The following ORC5 variants were observed in gnomAD, a reference collection of about 807,000 sequenced individuals.
ORC5 encodes the protein protein phosphatase 1, regulatory subunit 117.
In ORC5, 39 loss-of-function variants were observed where a neutral mutation model predicts 58.8. That is an observed-to-expected ratio of 0.66 (90% CI 0.51 to 0.87). ORC5 has a LOEUF of 0.87. Among genes scored for constraint, ORC5 ranks in the 40% least tolerant of loss-of-function variants. The probability of loss-of-function intolerance (pLI) is 0.00; values close to 1 mark genes in which losing one functional copy is unlikely to be tolerated. For synonymous variants in ORC5, 218 were observed against 177.6 expected, an observed-to-expected ratio of 1.23 and a Z score of -1.81; for missense variants, 493 against 506.3, an observed-to-expected ratio of 0.97 and a Z score of 0.25.
At chr7:104,166,921 G>T in intron 9 of ORC5, 37 bp from the exon 10 acceptor site, 1 of 1,177,576 alleles carries the variant, frequency 8.5e-7, no homozygotes, top group Non-Finnish European at 1.3e-6. Flanking sequence ...TACTTATTAG[G>T]CTAACATTGG....
intron 13 of ORC5, among the ~76,000 whole-genome samples, chr7:104,134,889 G>A (rs1043730083): frequency 5.3e-5 from 8 of 152,186 alleles, no homozygotes; most frequent in Middle Eastern, 6.8e-3. Context: ...GGGGAGGAGC[G>A]GGTGCTTATT....
chr7:104,174,055 G>A (rs1031432730), intron 8 of ORC5, among the ~76,000 whole-genome samples: 7 of 151,242 alleles, frequency 4.6e-5, no homozygotes, highest in South Asian at 2.1e-4. Flanking sequence ...CGTTTTAGCC[G>A]GGATGGTCTC....
chr7:104,188,678 A>G (rs1331091380), intron 5 of ORC5, among the ~76,000 whole-genome samples: 1 of 152,066 alleles, frequency 6.6e-6, no homozygotes, highest in African/African-American at 2.4e-5. Context: ...TTTAAAACAT[A>G]CCTCAATTTA....
At position 104,194,099 on chromosome 7, in the gene ORC5, CT is replaced by C. The variant is rs34994380; in HGVS notation, c.553+1043del. Among the ~76,000 whole-genome samples the C allele has an allele frequency of 7.5e-3, 992 of 132,974 alleles. 4 individuals carry two copies. Among genetic ancestry groups the C allele is most frequent in the Middle Eastern group, 0.016 (4 of 248 alleles). 87.2% of individuals were successfully genotyped at this position (132,974 alleles called of 152,430 possible). ...AACAGTGCTGACACAGGTACAGAGC[CT>C]TTTTTTTTTTTTTTTAAATAAAATC... On this transcript the variant is annotated intron_variant, in intron 5 of 13. Transcript: ENST00000297431.
intron 13 of ORC5, among the ~76,000 whole-genome samples, chr7:104,131,363 C>T (rs1436700175): frequency 2.0e-5 from 3 of 152,184 alleles, no homozygotes; most frequent in African/African-American, 7.2e-5. Flanking sequence ...ATCTACAGCT[C>T]TTGCAACTCA....
intron 8 of ORC5, among the ~76,000 whole-genome samples, chr7:104,173,727 C>A (rs149212795): frequency 1.0e-3 from 153 of 152,204 alleles, no homozygotes; most frequent in African/African-American, 3.4e-3. Flanking sequence ...TTTGAATACT[C>A]CGGTTACTAT....
At chr7:104,183,842 TC>T in intron 8 of ORC5, 100 bp downstream of exon 8, 1 of 770,336 alleles carries the variant, frequency 1.3e-6, no homozygotes, top group Non-Finnish European at 2.1e-6. Flanking sequence ...CAAACAGATA[TC>T]TTTTTCTTTT....
chr7:104,201,023 C>G, intron 2 of ORC5, 65 bp from the exon 3 acceptor site: 1 of 1,346,344 alleles, frequency 7.4e-7, no homozygotes, highest in Non-Finnish European at 1.0e-6. Flanking sequence ...AATGGCTGTG[C>G]TGGATAGTCT....
chr7:104,135,820 C>T (rs1425118352), intron 13 of ORC5, among the ~76,000 whole-genome samples: 2 of 152,114 alleles, frequency 1.3e-5, no homozygotes, highest in African/African-American at 4.8e-5. Flanking sequence ...TAAATACTTT[C>T]ATGACTAATT....
chr7:104,132,443 C>T (rs986524504), intron 13 of ORC5, among the ~76,000 whole-genome samples: 3 of 152,082 alleles, frequency 2.0e-5, no homozygotes, highest in Non-Finnish European at 2.9e-5. Flanking sequence ...TGTTCTCTGC[C>T]ACAGGTGTCT....
intron 8 of ORC5, among the ~76,000 whole-genome samples, chr7:104,169,888 C>A (rs776931027): frequency 1.4e-4 from 22 of 152,238 alleles, no homozygotes; most frequent in Non-Finnish European, 2.5e-4. Context: ...CTTATTTCCA[C>A]CTTAATTTTA....
rs1799322273 is a variant in ORC5 at position 104,176,428 on chromosome 7, T to C, written c.824+7515A>G. Among the ~76,000 whole-genome samples, 5 of 152,330 alleles carry C rather than the reference T, an allele frequency of 3.3e-5. No homozygotes were observed. The South Asian group carries it at 6.2e-4, about 19-fold the overall frequency. ...AGAAATATTTTGCGGTAAAATACTT[T>C]GATTTCTTTCGGTGTCTGCTATCTG... On this transcript the variant is annotated intron_variant, in intron 8 of 13. Coordinates refer to ENST00000297431, the MANE Select transcript of ORC5 (RefSeq NM_002553.4).
At chr7:104,205,084 C>CTATTTTT (rs769195880) in intron 1 of ORC5, among the ~76,000 whole-genome samples, 5 of 102,358 alleles carry the variant, frequency 4.9e-5, no homozygotes, top group African/African-American at 1.7e-4. Context: ...TTTAATAATA[C>CTATTTTT]TCTTTTTTTT....
Position 104,136,764 on chromosome 7 carries a change from A to T in ORC5, c.1262+17T>A. ...TTTTATATTTAGTATATCATTACAT[A>T]ATTCAAGACATTTTACCTTGCAATA... On this transcript the variant is annotated intron_variant, in intron 13 of 13. Coordinates refer to ENST00000297431, the MANE Select transcript of ORC5 (RefSeq NM_002553.4). The surrounding 1 kb of genome is among the most constrained non-coding windows in gnomAD (Gnocchi z 4.2). The T allele has an allele frequency of 6.8e-7, 1 of 1,474,436 alleles. No homozygotes were observed. The highest frequency in any genetic ancestry group is 1.1e-5 in the South Asian group (1 of 87,768). The allele number at this position is 1,474,436 out of a possible 1,614,324, so 91.3% of individuals were successfully genotyped here. A position where few individuals can be genotyped will look rare whatever the true frequency, so the allele number is the denominator to read the frequency against.
intron 8 of ORC5, among the ~76,000 whole-genome samples, chr7:104,177,728 C>G (rs939830522): frequency 7.2e-5 from 11 of 152,122 alleles, no homozygotes; most frequent in Admixed American, 6.5e-4. Flanking sequence ...TCCCCTTGCC[C>G]TCCACCCCGC....
chr7:104,200,342 C>T (rs118031167), intron 3 of ORC5, among the ~76,000 whole-genome samples: 1 of 152,216 alleles, frequency 6.6e-6, no homozygotes, highest in African/African-American at 2.4e-5. Context: ...TTATAACCCA[C>T]TAAAACTAGA....
At chr7:104,170,360 T>C (rs1799189807) in intron 8 of ORC5, among the ~76,000 whole-genome samples, 1 of 152,188 alleles carries the variant, frequency 6.6e-6, no homozygotes, top group African/African-American at 2.4e-5. Flanking sequence ...CAGATGTGAC[T>C]GAGTTAAGGA....
intron 3 of ORC5, among the ~76,000 whole-genome samples, chr7:104,199,146 A>G (rs1265853918): frequency 2.1e-5 from 3 of 144,248 alleles, no homozygotes. Context: ...ACAGAAGGGG[A>G]ATGTGGGGTT....
intron 8 of ORC5, 152 bp downstream of exon 8, chr7:104,183,791 G>A (rs1321717582): frequency 1.7e-6 from 1 of 577,876 alleles, no homozygotes; most frequent in Non-Finnish European, 3.0e-6. Context: ...AAGATGCAGA[G>A]TTTACTACAG....
Sources: gnomAD v4.1 joint callset for allele counts (sites outside exome capture counted in the v4.1 genomes callset) on GRCh38, gnomAD v4.1.1 for gene constraint, Gnocchi (gnomAD v3.1) non-coding constraint, MANE v1.5 for transcripts, NCBI Gene and HGNC (gene_info 2026-07-23, HGNC 2026-07-21) for gene names.